The following FER variants were observed in gnomAD, a reference collection of about 807,000 sequenced individuals.
The protein encoded by FER is FER tyrosine kinase, also known as tyrosine-protein kinase Fer.
Under a neutral mutation model 111.0 loss-of-function variants are expected in FER, and 63 were observed. The observed-to-expected ratio is 0.57, with a 90% CI of 0.46 to 0.70. The LOEUF is 0.70. FER is among the 30% of genes least tolerant of loss of function. The probability of loss-of-function intolerance (pLI) is 0.00; values close to 1 mark genes in which losing one functional copy is unlikely to be tolerated. For synonymous variants in FER, 327 were observed against 313.9 expected, an observed-to-expected ratio of 1.04 and a Z score of -0.44; for missense variants, 914 against 954.0, an observed-to-expected ratio of 0.96 and a Z score of 0.55.
intron 17 of FER, among the ~76,000 whole-genome samples, chr5:109,174,574 A>G (rs975467124): frequency 4.6e-5 from 7 of 152,194 alleles, no homozygotes; most frequent in African/African-American, 1.2e-4. Context: ...AGAAACAGGC[A>G]ATCCTACTGT....
intron 5 of FER, among the ~76,000 whole-genome samples, chr5:108,865,747 C>A (rs1456989067): frequency 6.6e-6 from 1 of 152,102 alleles, no homozygotes; most frequent in Non-Finnish European, 1.5e-5. Context: ...AAGAAAAAAA[C>A]AAACAACCCC....
chr5:109,012,836 TGAC>T (rs1766475177), intron 13 of FER, among the ~76,000 whole-genome samples: 1 of 152,076 alleles, frequency 6.6e-6, no homozygotes, highest in Non-Finnish European at 1.5e-5. Flanking sequence ...GAAAACTCTA[TGAC>T]AATATGATGA....
chr5:109,138,470 C>T (rs1392734024), intron 17 of FER, among the ~76,000 whole-genome samples: 3 of 152,018 alleles, frequency 2.0e-5, no homozygotes, highest in Admixed American at 1.3e-4. Flanking sequence ...ATCCAATCAT[C>T]GTGTTATACA....
chr5:109,026,310 A>G (rs552290596), intron 13 of FER, among the ~76,000 whole-genome samples: 1 of 152,336 alleles, frequency 6.6e-6, no homozygotes, highest in East Asian at 1.9e-4. Context: ...ACCATTTGGG[A>G]AGAAAGTACT....
intron 8 of FER, among the ~76,000 whole-genome samples, chr5:108,880,218 A>G (rs958449011): frequency 6.6e-6 from 1 of 152,206 alleles, no homozygotes; most frequent in African/African-American, 2.4e-5. Flanking sequence ...AAAATTAACC[A>G]GGAAGAGAAT....
intron 16 of FER, among the ~76,000 whole-genome samples, chr5:109,070,499 A>G (rs1253243515): frequency 6.6e-6 from 1 of 152,014 alleles, no homozygotes; most frequent in Admixed American, 6.6e-5. Flanking sequence ...GTTCCCTGTG[A>G]CGAGCAAGAT....
intron 8 of FER, among the ~76,000 whole-genome samples, chr5:108,875,670 C>G (rs1331810127): frequency 1.3e-5 from 2 of 151,996 alleles, no homozygotes; most frequent in Non-Finnish European, 2.9e-5. Context: ...TAATGGTGAC[C>G]TATTGCAAAC....
intron 17 of FER, among the ~76,000 whole-genome samples, chr5:109,116,418 C>A (rs1032125120): frequency 7.9e-6 from 1 of 126,594 alleles, no homozygotes; most frequent in Non-Finnish European, 1.7e-5. Flanking sequence ...TCAGATTATT[C>A]CCCCCGCCAA....
At chr5:108,924,544 A>G (rs1753484572) in intron 10 of FER, 1 of 1,164,372 alleles carries the variant, frequency 8.6e-7, no homozygotes, top group Admixed American at 4.3e-5. Flanking sequence ...GATAGTATGA[A>G]ATAGGAGATC....
intron 17 of FER, among the ~76,000 whole-genome samples, chr5:109,165,890 GCTGT>G (rs144476639): frequency 0.031 from 4,750 of 152,148 alleles, 105 homozygotes; most frequent in Middle Eastern, 0.092. Context: ...ACCAAAACTG[GCTGT>G]CTATCAATAA....
At chr5:108,947,095 G>T (rs1208723359) in intron 11 of FER, among the ~76,000 whole-genome samples, 7 of 152,044 alleles carry the variant, frequency 4.6e-5, no homozygotes, top group Admixed American at 6.6e-5. Flanking sequence ...CTATTCACCA[G>T]CTGATGGACA....
chr5:109,025,684 T>C (rs928264453), intron 13 of FER, among the ~76,000 whole-genome samples: 8 of 151,832 alleles, frequency 5.3e-5, no homozygotes, highest in African/African-American at 1.7e-4. Flanking sequence ...AGAGAGGGCA[T>C]CCCTGTCTTG....
intron 16 of FER, among the ~76,000 whole-genome samples, chr5:109,069,007 A>T (rs1232051250): frequency 1.3e-5 from 2 of 151,900 alleles, no homozygotes; most frequent in African/African-American, 4.9e-5. Context: ...CTAATTAAAA[A>T]ATTAATCTGG....
intron 10 of FER, among the ~76,000 whole-genome samples, chr5:108,926,197 A>C (rs1388748937): frequency 6.7e-6 from 1 of 150,360 alleles, no homozygotes; most frequent in Non-Finnish European, 1.5e-5. Flanking sequence ...TCAATCTCTG[A>C]TATATATTCT....
chr5:108,900,475 G>A (rs1314775990), intron 10 of FER, among the ~76,000 whole-genome samples: 1 of 152,146 alleles, frequency 6.6e-6, no homozygotes, highest in East Asian at 1.9e-4. Flanking sequence ...GGTTCTATTG[G>A]TATTTTCTCT....
At chr5:109,045,279 A>ATACATTATATATATAC (rs1771790814) in intron 15 of FER, among the ~76,000 whole-genome samples, 1 of 138,078 alleles carries the variant, frequency 7.2e-6, no homozygotes, top group African/African-American at 2.9e-5. Flanking sequence ...ATATACATTT[A>ATACATTATATATATAC]AGTATATACA....
chr5:108,824,917 G>C (rs868039465), intron 3 of FER, among the ~76,000 whole-genome samples: 7 of 150,940 alleles, frequency 4.6e-5, no homozygotes, highest in Middle Eastern at 6.8e-3. Context: ...ATCCGGGGGA[G>C]ACATCACACA....
chr5:108,866,827 T>C (rs916547100), intron 5 of FER, among the ~76,000 whole-genome samples: 1 of 152,202 alleles, frequency 6.6e-6, no homozygotes, highest in Non-Finnish European at 1.5e-5. Flanking sequence ...ATCAAAAGTT[T>C]AAGATCTGCT....
chr5:109,071,972 G>A (rs2149996683), intron 16 of FER, among the ~76,000 whole-genome samples: 1 of 151,132 alleles, frequency 6.6e-6, no homozygotes, highest in East Asian at 2.0e-4. Flanking sequence ...TGGTCTCGGT[G>A]GATATCTAAT....
Sources: gnomAD v4.1 joint callset for allele counts (sites outside exome capture counted in the v4.1 genomes callset) on GRCh38, gnomAD v4.1.1 for gene constraint, MANE v1.5 for transcripts, NCBI Gene and HGNC (gene_info 2026-07-23, HGNC 2026-07-21) for gene names.